The following PXT1 variants were observed in gnomAD, a reference collection of about 807,000 sequenced individuals.
PXT1 encodes the protein peroxisomal testis enriched protein 1.
In PXT1, 11 loss-of-function variants were observed where a neutral mutation model predicts 11.0. That is an observed-to-expected ratio of 1.00 (90% CI 0.63 to 1.66). The LOEUF is 1.66. Ranked by LOEUF, PXT1 falls within the 40% of genes most tolerant of loss-of-function variation. PXT1 has a pLI of 0.00. For missense variants in PXT1, 141 were observed against 155.5 expected, an observed-to-expected ratio of 0.91 and a Z score of 0.49; for synonymous variants, 43 against 51.4, an observed-to-expected ratio of 0.84 and a Z score of 0.70.
intron 3 of PXT1, among the ~76,000 whole-genome samples, chr6:36,423,213 G>A (rs975395825): frequency 3.3e-5 from 5 of 152,224 alleles, no homozygotes; most frequent in African/African-American, 1.2e-4. Context: ...CCACTGAGGG[G>A]AGAGGTGGAC....
At chr6:36,403,754 A>G (rs1774246550) in intron 3 of PXT1, among the ~76,000 whole-genome samples, 2 of 152,168 alleles carry the variant, frequency 1.3e-5, no homozygotes, top group African/African-American at 4.8e-5. Context: ...CTGTGGTCCC[A>G]GCTACTTGGG....
At chr6:36,403,660 G>A (rs953768554) in intron 3 of PXT1, among the ~76,000 whole-genome samples, 11 of 152,188 alleles carry the variant, frequency 7.2e-5, no homozygotes, top group Non-Finnish European at 1.6e-4. Flanking sequence ...GATTGCCTGA[G>A]CTCAGGAGAC....
intron 3 of PXT1, among the ~76,000 whole-genome samples, chr6:36,422,204 T>G (rs1320288881): frequency 1.3e-5 from 2 of 152,200 alleles, no homozygotes; most frequent in African/African-American, 4.8e-5. Flanking sequence ...AGGCACTCCC[T>G]AAGAACTTGG....
At chr6:36,436,080 T>C (rs1216594412) in intron 2 of PXT1, among the ~76,000 whole-genome samples, 1 of 142,892 alleles carries the variant, frequency 7.0e-6, no homozygotes, top group Admixed American at 7.3e-5. Flanking sequence ...CCTGGATTCA[T>C]TTAATAAAAA....
intron 3 of PXT1, among the ~76,000 whole-genome samples, chr6:36,417,479 G>C (rs1774465263): frequency 1.3e-5 from 2 of 152,004 alleles, no homozygotes; most frequent in African/African-American, 4.8e-5. Flanking sequence ...AGCAGGCCAG[G>C]CATGGTGGCC....
intron 3 of PXT1, among the ~76,000 whole-genome samples, chr6:36,422,832 CATTT>C (rs771379873): frequency 1.6e-4 from 24 of 152,326 alleles, no homozygotes; most frequent in East Asian, 7.7e-4. Context: ...CATGCACACG[CATTT>C]ATTTATTTAG....
At position 36,439,457 on chromosome 6, in the gene PXT1, A is replaced by C. The variant is rs1025818348; in HGVS notation, c.-129-571T>G. ...TGAAACCCCATCTCTACTAAAAATAAAAAAAATTAGCTGGGCATAATGGCG... is the reference window on the plus strand; with the variant it reads ...TGAAACCCCATCTCTACTAAAAATACAAAAAATTAGCTGGGCATAATGGCG... On this transcript the variant is annotated intron_variant, in intron 1 of 4. Transcript: ENST00000454782. Among the ~76,000 whole-genome samples the C allele has an allele frequency of 1.4e-4, 21 of 151,534 alleles. No individual in the cohort carries two copies. In the South Asian group the frequency reaches 1.7e-3, roughly 12 times the overall value.
chr6:36,423,351 G>A (rs1012765228), intron 3 of PXT1, among the ~76,000 whole-genome samples: 1 of 152,266 alleles, frequency 6.6e-6, no homozygotes, highest in Non-Finnish European at 1.5e-5. Flanking sequence ...CTGGGCGCGC[G>A]ACCCGCGCAA....
intron 3 of PXT1, among the ~76,000 whole-genome samples, chr6:36,414,205 G>C (rs142650385): frequency 6.6e-6 from 1 of 152,328 alleles, no homozygotes; most frequent in African/African-American, 2.4e-5. Context: ...CAACCCATGT[G>C]TAGGGAAGTC....
At chr6:36,401,608 C>T (rs1371792117) in intron 3 of PXT1, among the ~76,000 whole-genome samples, 31 of 124,442 alleles carry the variant, frequency 2.5e-4, no homozygotes, top group African/African-American at 9.0e-4. Flanking sequence ...AGAGCAAGAC[C>T]CTGTCTCAAA....
intron 2 of PXT1, among the ~76,000 whole-genome samples, chr6:36,432,822 T>C (rs960951092): frequency 7.9e-5 from 12 of 152,034 alleles, no homozygotes; most frequent in African/African-American, 2.7e-4. Context: ...GGGGGACACT[T>C]GGCATAGATC....
At chr6:36,405,054 A>T (rs1375149962) in intron 3 of PXT1, among the ~76,000 whole-genome samples, 2 of 152,222 alleles carry the variant, frequency 1.3e-5, no homozygotes, top group Non-Finnish European at 2.9e-5. Flanking sequence ...TGACAGCTCC[A>T]TGCATATATT....
chr6:36,430,298 G>A (rs1774675015), intron 2 of PXT1, among the ~76,000 whole-genome samples: 1 of 152,044 alleles, frequency 6.6e-6, no homozygotes. Context: ...ATGTGTTGTA[G>A]GTTAAATAAC....
chr6:36,427,522 T>A (rs2127416972), intron 2 of PXT1, among the ~76,000 whole-genome samples: 1 of 152,284 alleles, frequency 6.6e-6, no homozygotes, highest in Admixed American at 6.5e-5. Context: ...TAAAAATAAG[T>A]GAACCACATA....
In PXT1 at chr6:36,408,752, G is replaced by A. The variant is rs188216283; in HGVS notation, c.170-8168C>T. On this transcript the variant is annotated intron_variant, in intron 3 of 4. Coordinates refer to ENST00000454782, the MANE Select transcript of PXT1 (RefSeq NM_152990.4). ...TTGTTTTAATTAGCTGGGCATGGTA[G>A]TGCCTGTAGTCCCAGCTACTTGGGA... Among the ~76,000 whole-genome samples, 144 of 150,688 alleles carry A rather than the reference G, an allele frequency of 9.6e-4. 1 individual carries two copies. Among genetic ancestry groups the A allele is most frequent in the African/African-American group, 3.4e-3 (140 of 41,032 alleles).
chr6:36,422,883 T>C (rs1051388615), intron 3 of PXT1, among the ~76,000 whole-genome samples: 4 of 152,192 alleles, frequency 2.6e-5, no homozygotes, highest in Non-Finnish European at 2.9e-5. Flanking sequence ...TTCTGCCCCT[T>C]GTCAAATCAC....
At chr6:36,393,246 G>A (rs556966205) in intron 4 of PXT1, among the ~76,000 whole-genome samples, 109 of 152,196 alleles carry the variant, frequency 7.2e-4, no homozygotes, top group Non-Finnish European at 1.1e-3. Flanking sequence ...GATTACAGGC[G>A]TGAGCCACTA....
In PXT1 at chr6:36,408,593, T is replaced by A. The variant is rs540303028; in HGVS notation, c.170-8009A>T. ...CTTTTCTCAAAAAAGAAAAAAAAATTTTTTGTAGGTCAGGTGCTTTGCAGC... is the reference window on the plus strand; with the variant it reads ...CTTTTCTCAAAAAAGAAAAAAAAATATTTTGTAGGTCAGGTGCTTTGCAGC... On this transcript the variant is annotated intron_variant, in intron 3 of 4. Transcript: ENST00000454782. Among the ~76,000 whole-genome samples, 32 of 150,166 alleles carry A rather than the reference T, an allele frequency of 2.1e-4. No homozygotes were observed. In the East Asian group the frequency reaches 4.7e-3, roughly 22 times the overall value.
intron 3 of PXT1, among the ~76,000 whole-genome samples, chr6:36,420,539 A>G (rs1195472424): frequency 6.6e-6 from 1 of 152,208 alleles, no homozygotes; most frequent in Non-Finnish European, 1.5e-5. Context: ...TAAGAACAAT[A>G]GTTGCCTAAG....
Sources: gnomAD v4.1 joint callset for allele counts (sites outside exome capture counted in the v4.1 genomes callset) on GRCh38, gnomAD v4.1.1 for gene constraint, MANE v1.5 for transcripts, NCBI Gene and HGNC (gene_info 2026-07-23, HGNC 2026-07-21) for gene names.